WDR7: variants seen among roughly 807,000 people sequenced by gnomAD.
WDR7 encodes WD repeat domain 7, also known as WD repeat-containing protein 7.
WDR7 carries 46 observed loss-of-function variants against 169.4 expected under a neutral mutation model. The ratio of observed to expected loss-of-function variants is 0.27; its 90% CI spans 0.21 to 0.35. The LOEUF (loss-of-function observed/expected upper bound fraction) is 0.35. Among genes scored for constraint, WDR7 ranks in the 10% least tolerant of loss-of-function variants. The pLI is 1.00. For missense variants in WDR7, 1,534 were observed against 1,859.3 expected, an observed-to-expected ratio of 0.83 and a Z score of 3.22; for synonymous variants, 612 against 666.8, an observed-to-expected ratio of 0.92 and a Z score of 1.27.
intron 26 of WDR7, among the ~76,000 whole-genome samples, chr18:56,974,086 T>G (rs2047530153): frequency 6.6e-6 from 1 of 152,226 alleles, no homozygotes; most frequent in South Asian, 2.1e-4. Context: ...TCTGTTTAAG[T>G]GCACTGACAA....
At chr18:56,912,343 T>C (rs2046564402) in intron 21 of WDR7, among the ~76,000 whole-genome samples, 2 of 152,208 alleles carry the variant, frequency 1.3e-5, no homozygotes, top group East Asian at 3.8e-4. Flanking sequence ...ATTCTCTTCC[T>C]ATAGAAGGTT....
intron 14 of WDR7, among the ~76,000 whole-genome samples, chr18:56,739,802 T>TC (rs1435386731): frequency 6.6e-6 from 1 of 151,806 alleles, no homozygotes; most frequent in Non-Finnish European, 1.5e-5. Flanking sequence ...TTCCTTTGGA[T>TC]CCCCCCATTG....
intron 20 of WDR7, among the ~76,000 whole-genome samples, chr18:56,846,251 A>T (rs2145348234): frequency 6.6e-6 from 1 of 152,190 alleles, no homozygotes; most frequent in Admixed American, 6.5e-5. Flanking sequence ...ATGGGGATGG[A>T]TCCCTTATTA....
chr18:56,753,039 T>C (rs1241740721), intron 14 of WDR7, among the ~76,000 whole-genome samples: 2 of 152,180 alleles, frequency 1.3e-5, no homozygotes, highest in Non-Finnish European at 2.9e-5. Context: ...AAAGATGTTT[T>C]GTGCTTTGCA....
intron 26 of WDR7, among the ~76,000 whole-genome samples, chr18:57,010,630 A>G (rs1265079298): frequency 2.0e-5 from 3 of 152,178 alleles, no homozygotes; most frequent in African/African-American, 4.8e-5. Context: ...GTATGATTCT[A>G]TATAATTAAT....
intron 26 of WDR7, among the ~76,000 whole-genome samples, chr18:57,002,045 A>C (rs903579126): frequency 3.9e-5 from 6 of 152,016 alleles, no homozygotes; most frequent in Admixed American, 6.6e-5. Context: ...AAACCTTATT[A>C]TTGTTTGTTC....
In WDR7 at chr18:56,686,026, C is replaced by A. The variant is rs748224388; in HGVS notation, c.591C>A (p.Asp197Glu). The change falls in exon 6 of 28, where the codon GAC (aspartate) becomes GAA (glutamate). Residue 197 changes from aspartate to glutamate, a missense_variant. Coordinates refer to ENST00000254442, the MANE Select transcript of WDR7 (RefSeq NM_015285.3). ...GGATTGTTACCTCGGAAATAAGTGACATGCAGGTGAGAAAAAGGAAACTGG... is the reference window on the plus strand; with the variant it reads ...GGATTGTTACCTCGGAAATAAGTGAAATGCAGGTGAGAAAAAGGAAACTGG... ...KVWIVTSEIS[D>E]MQDTEPIFEE... The A allele has an allele frequency of 1.3e-6, 2 of 1,592,272 alleles. No homozygotes were observed. Among genetic ancestry groups the A allele is most frequent in the Non-Finnish European group, 1.7e-6 (2 of 1,172,938 alleles).
intron 26 of WDR7, among the ~76,000 whole-genome samples, chr18:57,012,498 T>TG (rs2048149685): frequency 6.6e-6 from 1 of 152,184 alleles, no homozygotes; most frequent in Admixed American, 6.5e-5. Flanking sequence ...CAAGGTGGCC[T>TG]GGCTGACTGT....
rs1194279535 is a variant in WDR7, at chr18:56,730,837, C to T, written c.1775-546C>T. 2.0e-5 allele frequency among the ~76,000 whole-genome samples: 3 copies of T among 151,762 alleles called. 1 individual carries two copies. The highest frequency in any genetic ancestry group is 3.9e-4 in the East Asian group (2 of 5,184). ...TGTAAGTAGAAGTAGTGGTAATTTC[C>T]ACAAACATACGAAGAAACATTTGGC... On this transcript the variant is annotated intron_variant, in intron 13 of 27. Transcript: ENST00000254442.
At chr18:56,965,993 A>G (rs1483238763) in intron 26 of WDR7, among the ~76,000 whole-genome samples, 1 of 152,176 alleles carries the variant, frequency 6.6e-6, no homozygotes. Flanking sequence ...AACAGAAATA[A>G]TATCTATTAT....
At chr18:56,832,151 G>A (rs1568220529) in intron 20 of WDR7, among the ~76,000 whole-genome samples, 2 of 152,146 alleles carry the variant, frequency 1.3e-5, no homozygotes, top group Non-Finnish European at 2.9e-5. Context: ...TGAGCTTGGT[G>A]GGGGCAGGGG....
At chr18:56,935,055 C>T (rs2046939390) in intron 22 of WDR7, among the ~76,000 whole-genome samples, 1 of 152,064 alleles carries the variant, frequency 6.6e-6, no homozygotes, top group Admixed American at 6.5e-5. Context: ...TATAGCATCA[C>T]TCTCCTATCA....
At chr18:56,996,005 G>A (rs572905178) in intron 26 of WDR7, among the ~76,000 whole-genome samples, 4 of 152,164 alleles carry the variant, frequency 2.6e-5, no homozygotes, top group Non-Finnish European at 5.9e-5. Flanking sequence ...CAGGCGTAAT[G>A]ATTCCAAAGG....
intron 14 of WDR7, among the ~76,000 whole-genome samples, chr18:56,734,780 T>G (rs2026664167): frequency 6.6e-6 from 1 of 152,132 alleles, no homozygotes; most frequent in Non-Finnish European, 1.5e-5. Flanking sequence ...ATATTTGTCT[T>G]CCCTACTAGA....
rs117637950 is a variant in WDR7 at position 56,768,929 on chromosome 18, C to T, written c.2849-7853C>T. Among the ~76,000 whole-genome samples the T allele has an allele frequency of 2.0e-3, 301 of 152,250 alleles. 2 individuals carry two copies. In the East Asian group the frequency reaches 0.05, roughly 25 times the overall value. ...GAGAATAAAGATAGTTAAGATAGTT[C>T]AGCTTATATAATTTTCCATAACCAA... On this transcript the variant is annotated intron_variant, in intron 16 of 27. Transcript: ENST00000254442.
At chr18:56,902,528 G>T (rs965452438) in intron 21 of WDR7, among the ~76,000 whole-genome samples, 1 of 152,118 alleles carries the variant, frequency 6.6e-6, no homozygotes, top group Non-Finnish European at 1.5e-5. Context: ...GAAACTCTGT[G>T]ATTTTTCTGT....
chr18:56,952,242 C>G (rs2047193837), intron 25 of WDR7, among the ~76,000 whole-genome samples: 1 of 152,244 alleles, frequency 6.6e-6, no homozygotes, highest in South Asian at 2.1e-4. Flanking sequence ...AGGGCTCCCG[C>G]CTTTGCCACA....
chr18:57,035,746 C>A, the WDR7 span: 1 of 152,368 alleles, frequency 6.6e-6, no homozygotes, highest in East Asian at 1.9e-4. Flanking sequence ...TAATTAGTAG[C>A]AAGTTTGGAG....
rs116313523 is a variant in WDR7, at chr18:57,002,467, G to A, written c.4165-18278G>A. Reference sequence around the variant, plus strand: ...GCATACATTTTTGTTAAGTATCCAGGAAAGTTTTCCACAATGTGTCTCTGA... The same window carrying A: ...GCATACATTTTTGTTAAGTATCCAGAAAAGTTTTCCACAATGTGTCTCTGA... On this transcript the variant is annotated intron_variant, in intron 26 of 27. Coordinates refer to ENST00000254442, the MANE Select transcript of WDR7 (RefSeq NM_015285.3). Among the ~76,000 whole-genome samples the A allele has an allele frequency of 7.3e-3, 1,111 of 152,206 alleles. 11 individuals carry two copies. The highest frequency in any genetic ancestry group is 0.026 in the African/African-American group (1,061 of 41,532).
Sources: gnomAD v4.1 joint callset for allele counts (sites outside exome capture counted in the v4.1 genomes callset) on GRCh38, gnomAD v4.1.1 for gene constraint, MANE v1.5 for transcripts, NCBI Gene and HGNC (gene_info 2026-07-23, HGNC 2026-07-21) for gene names.